The following NBEAL1 variants were observed in gnomAD, a reference collection of about 807,000 sequenced individuals.
NBEAL1 encodes neurobeachin-like protein 1.
NBEAL1 carries 273 observed loss-of-function variants against 351.3 expected under a neutral mutation model. That is an observed-to-expected ratio of 0.78 (90% CI 0.70 to 0.86). The LOEUF (loss-of-function observed/expected upper bound fraction) is 0.86, where lower values mean the gene tolerates loss of function less well. NBEAL1 is among the 40% of genes least tolerant of loss of function. The probability of loss-of-function intolerance (pLI) is 0.00; values close to 1 mark genes in which losing one functional copy is unlikely to be tolerated. For missense variants in NBEAL1, 2,961 were observed against 3,201.3 expected, an observed-to-expected ratio of 0.92 and a Z score of 1.81; for synonymous variants, 1,050 against 1,086.4, an observed-to-expected ratio of 0.97 and a Z score of 0.66.
rs752889136 is a variant in NBEAL1, at chr2:203,151,594, G to A, written c.5587+5G>A. 6.3e-7 allele frequency: 1 copy of A among 1,590,916 alleles called. No individual in the cohort carries two copies. The highest frequency in any genetic ancestry group is 1.2e-5 in the South Asian group (1 of 86,284). On this transcript the variant is annotated splice_donor_5th_base_variant and intron_variant, in intron 35 of 55. Coordinates refer to ENST00000683969, the MANE Select transcript of NBEAL1 (RefSeq NM_001378026.1). ...GTGCCTTGAGAGATAATCTGGGTGA[G>A]TTCCAATGACTGTTTAATTGTTTGT...
intron 24 of NBEAL1, among the ~76,000 whole-genome samples, chr2:203,128,894 C>A (rs193247906): frequency 7.5e-4 from 114 of 152,162 alleles, no homozygotes; most frequent in Middle Eastern, 3.4e-3. Flanking sequence ...CCATGCCCAG[C>A]CATTAGTAGG....
intron 2 of NBEAL1, chr2:203,040,557 A>G (rs1480103695): frequency 4.5e-6 from 3 of 666,534 alleles, no homozygotes; most frequent in South Asian, 1.4e-5. Context: ...CTGTGCGGGA[A>G]CTCACTTGGA....
chr2:203,185,487 C>G (rs1435036870), intron 44 of NBEAL1, among the ~76,000 whole-genome samples: 1 of 152,050 alleles, frequency 6.6e-6, no homozygotes, highest in African/African-American at 2.4e-5. Flanking sequence ...CATAACAAAC[C>G]TGCATGTTCT....
At chr2:203,057,898 CAGTGGCAT>C (rs2061431937) in intron 6 of NBEAL1, among the ~76,000 whole-genome samples, 1 of 149,800 alleles carries the variant, frequency 6.7e-6, no homozygotes, top group South Asian at 2.1e-4. Context: ...TGCAGTGGCA[CAGTGGCAT>C]GATTTCAGCT....
At chr2:203,213,678 A>G (rs773238063) in intron 55 of NBEAL1, 25 bp downstream of exon 55, 29 of 1,612,894 alleles carry the variant, frequency 1.8e-5, no homozygotes, top group Non-Finnish European at 2.2e-5. Flanking sequence ...CAGTAATTTC[A>G]TTTCTCATGC....
intron 51 of NBEAL1, among the ~76,000 whole-genome samples, chr2:203,205,680 A>T (rs2065532018): frequency 6.6e-6 from 1 of 152,106 alleles, no homozygotes; most frequent in South Asian, 2.1e-4. Flanking sequence ...TACTTTAATG[A>T]TTTCTCTACT....
intron 44 of NBEAL1, among the ~76,000 whole-genome samples, chr2:203,186,781 G>A (rs914597506): frequency 2.0e-5 from 3 of 152,030 alleles, no homozygotes; most frequent in African/African-American, 7.3e-5. Flanking sequence ...AAACTTTATA[G>A]GTTTCTTATG....
At chr2:203,092,453 T>A (rs1409930677) in intron 10 of NBEAL1, among the ~76,000 whole-genome samples, 1 of 151,790 alleles carries the variant, frequency 6.6e-6, no homozygotes, top group Non-Finnish European at 1.5e-5. Flanking sequence ...TAGTCTCAGC[T>A]GCTCAGGAGG....
In NBEAL1 at chr2:203,167,217, C is replaced by G. The variant is rs1429800308; in HGVS notation, c.5864-10C>G. On this transcript the variant is annotated splice_polypyrimidine_tract_variant and intron_variant, in intron 37 of 55. Transcript: ENST00000683969. ...TGGTATCTCAGTCACAAGATTTCTT[C>G]CGTTTTCAGGAGTAGGCTTTGATTT... 3 of 1,596,946 alleles carry G rather than the reference C, an allele frequency of 1.9e-6. No individual in the cohort carries two copies. Among genetic ancestry groups the G allele is most frequent in the Non-Finnish European group, 2.6e-6 (3 of 1,173,208 alleles).
At chr2:203,050,569 A>G (rs954664161) in intron 4 of NBEAL1, among the ~76,000 whole-genome samples, 2 of 152,218 alleles carry the variant, frequency 1.3e-5, no homozygotes, top group Non-Finnish European at 2.9e-5. Context: ...CTGTGTTATT[A>G]TCTGTGAAAA....
chr2:203,157,249 A>G (rs10451550), intron 35 of NBEAL1, among the ~76,000 whole-genome samples: 180 of 152,260 alleles, frequency 1.2e-3, no homozygotes, highest in African/African-American at 4.2e-3. Context: ...CAGAAAGTAA[A>G]CACTTTCGCT....
intron 2 of NBEAL1, among the ~76,000 whole-genome samples, chr2:203,018,128 T>C (rs1043785480): frequency 1.3e-5 from 2 of 152,106 alleles, no homozygotes; most frequent in Non-Finnish European, 2.9e-5. Flanking sequence ...ACCTCATAGA[T>C]TTAAGTCTTC....
intron 8 of NBEAL1, among the ~76,000 whole-genome samples, chr2:203,078,385 G>A (rs2106154228): frequency 6.6e-6 from 1 of 152,096 alleles, no homozygotes; most frequent in Admixed American, 6.6e-5. Flanking sequence ...TGTTTCCCAG[G>A]CTGGAGTGCA....
chr2:203,018,622 T>C (rs1266156754), intron 2 of NBEAL1, among the ~76,000 whole-genome samples: 2 of 152,110 alleles, frequency 1.3e-5, no homozygotes, highest in African/African-American at 4.8e-5. Context: ...ATGTAGAACT[T>C]TTTAGTTCTT....
intron 34 of NBEAL1, 40 bp downstream of exon 34, chr2:203,149,188 A>G (rs771173462): frequency 6.7e-7 from 1 of 1,493,464 alleles, no homozygotes; most frequent in Non-Finnish European, 9.0e-7. Context: ...CTTTTTCTTT[A>G]GTACTCTGGT....
chr2:203,206,399 T>C (rs533400231), intron 51 of NBEAL1, among the ~76,000 whole-genome samples: 4 of 152,024 alleles, frequency 2.6e-5, no homozygotes, highest in Admixed American at 1.3e-4. Flanking sequence ...TCTCCCTCTC[T>C]CCCTCTGTCC....
chr2:203,141,366 ATTTTTTTTTTTTTT>A (rs71034219), intron 31 of NBEAL1, among the ~76,000 whole-genome samples: 2 of 9,108 alleles, frequency 2.2e-4, no homozygotes, highest in South Asian at 5.3e-3. Flanking sequence ...TATTATTATT[ATTTTTTTTTTTTTT>A]TTTTTTTTTT....
intron 38 of NBEAL1, among the ~76,000 whole-genome samples, chr2:203,168,013 A>G (rs542771276): frequency 6.6e-6 from 1 of 152,332 alleles, no homozygotes; most frequent in Non-Finnish European, 1.5e-5. Context: ...AGCACACACA[A>G]TAACTAATTT....
At position 203,199,318 on chromosome 2, in the gene NBEAL1, C is replaced by T. The variant is rs371832494; in HGVS notation, c.7129-20C>T. 3 of 1,361,720 alleles carry T rather than the reference C, an allele frequency of 2.2e-6. No individual in the cohort carries two copies. Among genetic ancestry groups the T allele is most frequent in the Non-Finnish European group, 3.1e-6 (3 of 959,034 alleles). 84.4% of individuals were successfully genotyped at this position (1,361,720 alleles called of 1,614,324 possible). Reference sequence around the variant, plus strand: ...CCTTAATATTTCATTTAATTTGAGTCTTCATATGTTCTTTTCCAGATAACA... The same window carrying T: ...CCTTAATATTTCATTTAATTTGAGTTTTCATATGTTCTTTTCCAGATAACA... On this transcript the variant is annotated intron_variant, in intron 48 of 55. Coordinates refer to ENST00000683969, the MANE Select transcript of NBEAL1 (RefSeq NM_001378026.1).
Sources: gnomAD v4.1 joint callset for allele counts (sites outside exome capture counted in the v4.1 genomes callset) on GRCh38, gnomAD v4.1.1 for gene constraint, MANE v1.5 for transcripts, NCBI Gene and HGNC (gene_info 2026-07-23, HGNC 2026-07-21) for gene names.